ITPR2: variants seen among roughly 807,000 people sequenced by gnomAD.
ITPR2 encodes the protein inositol 1,4,5-trisphosphate-gated calcium channel ITPR2.
ITPR2 carries 207 observed loss-of-function variants against 317.1 expected under a neutral mutation model. The observed-to-expected ratio is 0.65, with a 90% confidence interval of 0.58 to 0.73. ITPR2 has a LOEUF of 0.73. Ranked by LOEUF, ITPR2 falls within the 30% of genes least tolerant of loss-of-function variation. The pLI, the probability that ITPR2 is intolerant of heterozygous loss-of-function variation, is 0.00. For synonymous variants in ITPR2, 1,156 were observed against 1,149.1 expected (o/e 1.01, Z -0.12); for missense variants, 2,613 against 3,284.0 (o/e 0.80, Z 4.99).
intron 5 of ITPR2, among the ~76,000 whole-genome samples, chr12:26,718,505 G>GTA (rs141886548): frequency 9.6e-5 from 12 of 124,536 alleles, no homozygotes; most frequent in East Asian, 3.9e-4. Flanking sequence ...CCATAAAACT[G>GTA]TATATATATA....
At chr12:26,751,796 G>A (rs1228366704) in intron 2 of ITPR2, among the ~76,000 whole-genome samples, 1 of 151,850 alleles carries the variant, frequency 6.6e-6, no homozygotes, top group Non-Finnish European at 1.5e-5. Flanking sequence ...AACCTGGGAG[G>A]CAGAGGTTGC....
intron 1 of ITPR2, among the ~76,000 whole-genome samples, chr12:26,808,513 G>A (rs1483841356): frequency 6.6e-6 from 1 of 152,196 alleles, no homozygotes; most frequent in African/African-American, 2.4e-5. Context: ...TGGGGATAAA[G>A]CAGTGTACAT....
intron 55 of ITPR2, among the ~76,000 whole-genome samples, chr12:26,346,332 G>T (rs1241696636): frequency 2.6e-5 from 4 of 152,184 alleles, no homozygotes; most frequent in African/African-American, 9.6e-5. Context: ...TCAAAAGTCA[G>T]CTGCGCTGGG....
At chr12:26,343,545 T>A (rs1938206797) in intron 55 of ITPR2, among the ~76,000 whole-genome samples, 1 of 152,144 alleles carries the variant, frequency 6.6e-6, no homozygotes, top group Non-Finnish European at 1.5e-5. Context: ...AAGTTTTGTG[T>A]TATATATATT....
chr12:26,471,573 AT>A (rs1388314667), intron 45 of ITPR2, among the ~76,000 whole-genome samples: 1 of 152,188 alleles, frequency 6.6e-6, no homozygotes, highest in Non-Finnish European at 1.5e-5. Flanking sequence ...AAGAAGCATT[AT>A]TTGTTTCTTG....
intron 13 of ITPR2, among the ~76,000 whole-genome samples, chr12:26,678,468 T>A (rs1264579058): frequency 1.3e-5 from 2 of 151,804 alleles, no homozygotes; most frequent in African/African-American, 4.8e-5. Context: ...TTGAGACAGA[T>A]AATAATCACT....
chr12:26,578,894 C>T, intron 33 of ITPR2, 61 bp from the exon 34 acceptor site: 1 of 1,487,532 alleles, frequency 6.7e-7, no homozygotes. Flanking sequence ...CCTGATGTAG[C>T]ATCTATGCAT....
intron 2 of ITPR2, among the ~76,000 whole-genome samples, chr12:26,736,647 C>T (rs886647552): frequency 6.6e-6 from 1 of 152,138 alleles, no homozygotes; most frequent in African/African-American, 2.4e-5. Flanking sequence ...GCCACGTCCC[C>T]CTTTCACTCT....
intron 52 of ITPR2, among the ~76,000 whole-genome samples, chr12:26,406,096 A>C (rs1031019849): frequency 6.6e-6 from 1 of 152,118 alleles, no homozygotes; most frequent in African/African-American, 2.4e-5. Context: ...AAATAAATAA[A>C]TAATAAGAAA....
At chr12:26,448,276 C>T (rs1163764679) in intron 45 of ITPR2, among the ~76,000 whole-genome samples, 3 of 151,634 alleles carry the variant, frequency 2.0e-5, no homozygotes, top group Admixed American at 6.6e-5. Context: ...ACTATACAAA[C>T]GTGTTCCAGA....
intron 45 of ITPR2, among the ~76,000 whole-genome samples, chr12:26,458,825 C>T (rs991523210): frequency 1.4e-4 from 21 of 152,204 alleles, no homozygotes; most frequent in African/African-American, 5.1e-4. Flanking sequence ...ACCTAATGAG[C>T]TTCAGGAAGG....
At chr12:26,550,651 T>A (rs574255924) in intron 36 of ITPR2, among the ~76,000 whole-genome samples, 257 of 152,064 alleles carry the variant, frequency 1.7e-3, no homozygotes, top group African/African-American at 6.0e-3. Context: ...CTCACCCCAA[T>A]ATATGAACTA....
At chr12:26,600,157 C>T in intron 28 of ITPR2, 48 bp from the exon 29 acceptor site, 4 of 1,532,034 alleles carry the variant, frequency 2.6e-6, no homozygotes, top group South Asian at 2.4e-5. Context: ...TAGGAGACAG[C>T]AAATGTTATG....
At chr12:26,367,995 T>G (rs1263369014) in intron 55 of ITPR2, among the ~76,000 whole-genome samples, 1 of 152,222 alleles carries the variant, frequency 6.6e-6, no homozygotes, top group African/African-American at 2.4e-5. Context: ...GGCAACCTAA[T>G]CACAGCCAAC....
At chr12:26,482,259 T>C (rs901919220) in intron 42 of ITPR2, among the ~76,000 whole-genome samples, 11 of 152,224 alleles carry the variant, frequency 7.2e-5, no homozygotes, top group Non-Finnish European at 1.6e-4. Flanking sequence ...TTTTTGCAGA[T>C]CATCTCCAGA....
chr12:26,594,382 T>C (rs1466324061), intron 32 of ITPR2, among the ~76,000 whole-genome samples: 1 of 151,860 alleles, frequency 6.6e-6, no homozygotes, highest in Non-Finnish European at 1.5e-5. Flanking sequence ...CTACAGGCAG[T>C]GAAAGGAGGG....
At position 26,802,299 on chromosome 12, in the gene ITPR2, TA is replaced by T. The variant is rs1038467654; in HGVS notation, c.93-12073del. Among the ~76,000 whole-genome samples the T allele has an allele frequency of 6.1e-4, 91 of 148,022 alleles. No homozygotes were observed. In the Middle Eastern group the frequency reaches 0.014, roughly 23 times the overall value. ...GGGCAACAGAACAAGACCCTGTCTC[TA>T]AAAAAAAAATAAAAATAATTTTTAA... On this transcript the variant is annotated intron_variant, in intron 1 of 56. Coordinates refer to ENST00000381340, the MANE Select transcript of ITPR2 (RefSeq NM_002223.4).
chr12:26,631,780 A>C lies in ITPR2; in HGVS notation c.2934+86T>G, dbSNP rs909699201. 11 of 1,137,432 alleles carry C rather than the reference A, an allele frequency of 9.7e-6. No homozygotes were observed. The African/African-American group carries it at 1.1e-4, about 11-fold the overall frequency. The allele number at this position is 1,137,432 out of a possible 1,614,324, so 70.5% of individuals were successfully genotyped here. A position where few individuals can be genotyped will look rare whatever the true frequency, so the allele number is the denominator to read the frequency against. ...ATTGATAGCATTTCAGAATATTTAC[A>C]CAGTGATTTGGAACAAAAAGGGTAA... On this transcript the variant is annotated intron_variant, in intron 22 of 56. Transcript: ENST00000381340.
intron 54 of ITPR2, among the ~76,000 whole-genome samples, chr12:26,391,949 G>A (rs1201161097): frequency 6.6e-6 from 1 of 152,090 alleles, no homozygotes; most frequent in African/African-American, 2.4e-5. Context: ...GGGGAAGATT[G>A]GGATAAGAGA....
Sources: allele counts gnomAD v4.1 joint callset (sites outside exome capture counted in the v4.1 genomes callset), GRCh38; gene constraint gnomAD v4.1.1; transcripts MANE v1.5; gene names NCBI Gene and HGNC (gene_info 2026-07-23, HGNC 2026-07-21).